The following SYMPK variants were observed in gnomAD, a reference collection of about 807,000 sequenced individuals.
The protein encoded by SYMPK is symplekin scaffold protein, also known as symplekin.
In SYMPK, 49 loss-of-function variants were observed where a neutral mutation model predicts 136.4. The ratio of observed to expected loss-of-function variants is 0.36; its 90% CI spans 0.29 to 0.46. The LOEUF (loss-of-function observed/expected upper bound fraction) is 0.46. SYMPK is among the 20% of genes least tolerant of loss of function. The pLI is 1.00. For missense variants in SYMPK, 1,365 were observed against 1,690.0 expected (o/e 0.81, Z 3.37); for synonymous variants, 766 against 713.0 (o/e 1.07, Z -1.19).
chr19:45,826,146 C>T, intron 17 of SYMPK, 80 bp downstream of exon 17: 6 of 1,521,906 alleles, frequency 3.9e-6, no homozygotes, highest in Non-Finnish European at 5.3e-6. Context: ...GAGTGGCTTC[C>T]CCACTCATCC....
intron 25 of SYMPK, 33 bp downstream of exon 25, chr19:45,816,449 G>A: frequency 6.3e-7 from 1 of 1,595,492 alleles, no homozygotes; most frequent in African/African-American, 1.3e-5. Context: ...TGGGAGTCTG[G>A]GGATCCAGAT....
chr19:45,835,247 G>C lies in SYMPK; in HGVS notation c.1243-19C>G, dbSNP rs117961206. ...TGAGGACCTGTGGGATGCCCAGGAA[G>C]AGAGCCTCTCCTTAATCATTAACTC... On this transcript the variant is annotated intron_variant, in intron 10 of 26. Coordinates refer to ENST00000245934, the MANE Select transcript of SYMPK (RefSeq NM_004819.3). 0.023 allele frequency: 35,116 copies of C among 1,556,640 alleles called. 487 individuals are homozygous for C. The highest frequency in any genetic ancestry group is 0.031 in the Middle Eastern group (178 of 5,746).
chr19:45,834,307 A>C (rs1971251529), intron 11 of SYMPK, among the ~76,000 whole-genome samples: 1 of 151,626 alleles, frequency 6.6e-6, no homozygotes, highest in African/African-American at 2.4e-5. Flanking sequence ...AACAAAACAA[A>C]AGCTAGCCAG....
chr19:45,817,494 C>T (rs371561699), intron 23 of SYMPK, among the ~76,000 whole-genome samples: 3 of 140,720 alleles, frequency 2.1e-5, no homozygotes, highest in South Asian at 2.3e-4. Flanking sequence ...GTGAGTGGCG[C>T]GTTTCTTCCT....
At chr19:45,831,726 G>C (rs1971179795) in intron 11 of SYMPK, 138 bp from the exon 12 acceptor site, 1 of 555,036 alleles carries the variant, frequency 1.8e-6, no homozygotes. Context: ...CTGTCCTGGA[G>C]TGGGTACTCT....
chr19:45,852,825 G>T (rs1054977530), intron 3 of SYMPK, among the ~76,000 whole-genome samples: 1 of 152,150 alleles, frequency 6.6e-6, no homozygotes, highest in Admixed American at 6.5e-5. Context: ...GTGAGGACAT[G>T]ACACAGGAGG....
intron 18 of SYMPK, 103 bp downstream of exon 18, chr19:45,825,068 G>T (rs994729744): frequency 6.9e-7 from 1 of 1,456,710 alleles, no homozygotes; most frequent in Non-Finnish European, 9.2e-7. Flanking sequence ...ACCACCCTTC[G>T]GGCTTGGCAC....
chr19:45,824,365 T>TA (rs1405028749), intron 18 of SYMPK, among the ~76,000 whole-genome samples: 2 of 152,148 alleles, frequency 1.3e-5, no homozygotes, highest in Admixed American at 6.5e-5. Context: ...CGCTCCTGAC[T>TA]AAAACCGACT....
intron 24 of SYMPK, 55 bp downstream of exon 24, chr19:45,816,743 G>C: frequency 2.0e-6 from 3 of 1,473,370 alleles, no homozygotes; most frequent in Non-Finnish European, 2.7e-6. Context: ...CCAGGGGGCC[G>C]CCCACCGCAC....
At chr19:45,852,629 G>T in intron 3 of SYMPK, 94 bp from the exon 4 acceptor site, 2 of 1,451,782 alleles carry the variant, frequency 1.4e-6, no homozygotes, top group South Asian at 1.2e-5. Context: ...GACAGCAGAG[G>T]GCTAGGCAGC....
At chr19:45,858,217 G>C (rs79648563) in intron 1 of SYMPK, among the ~76,000 whole-genome samples, 21,712 of 152,076 alleles carry the variant, frequency 0.14, 1,631 homozygotes, top group South Asian at 0.18. Flanking sequence ...CCTGCTGCCT[G>C]TCACCCCCTA....
intron 8 of SYMPK, among the ~76,000 whole-genome samples, chr19:45,843,434 A>G (rs1971489678): frequency 6.6e-6 from 1 of 152,188 alleles, no homozygotes; most frequent in Non-Finnish European, 1.5e-5. Context: ...ATCTTGGAAC[A>G]TCTATCCTCC....
chr19:45,831,671 TTCTGAGCCCTGTACACA>T lies in SYMPK; in HGVS notation c.1394-100_1394-84del, dbSNP rs1426423720. On this transcript the variant is annotated intron_variant, in intron 11 of 26. Transcript: ENST00000245934. ...AGGACCTCCTGTGTGCCTGGCTCTG[TTCTGAGCCCTGTACACA>T]CAAAACCTCGTTTAAATCCACACAA... is the stretch of plus-strand genomic sequence containing the variant. 1.0e-5 allele frequency: 12 copies of T among 1,192,734 alleles called. No homozygotes were observed. The African/African-American group carries it at 1.8e-4, about 18-fold the overall frequency. 73.9% of individuals were successfully genotyped at this position (1,192,734 alleles called of 1,614,324 possible). A position where few individuals can be genotyped will look rare whatever the true frequency, so the allele number is the denominator to read the frequency against.
intron 10 of SYMPK, among the ~76,000 whole-genome samples, chr19:45,837,267 T>C (rs1359584656): frequency 6.6e-6 from 1 of 151,406 alleles, no homozygotes; most frequent in African/African-American, 2.4e-5. Flanking sequence ...TTTATAAATG[T>C]TGATGAGCAA....
rs563461914 is a variant in SYMPK, at chr19:45,828,673, T to G, written c.1985+297A>C. 13 of 463,558 alleles carry G rather than the reference T, an allele frequency of 2.8e-5. No individual in the cohort carries two copies. The East Asian group carries it at 4.6e-4, about 16-fold the overall frequency. The allele number at this position is 463,558 out of a possible 1,614,324, so 28.7% of individuals were successfully genotyped here. A position where few individuals can be genotyped will look rare whatever the true frequency, so the allele number is the denominator to read the frequency against. On this transcript the variant is annotated intron_variant, in intron 14 of 26. Transcript: ENST00000245934. ...TATCTCCAGGCCCATGGGTGAGCAC[T>G]GTTATTTACAGATGGGAAAATGGCA... is the stretch of plus-strand genomic sequence containing the variant.
intron 5 of SYMPK, among the ~76,000 whole-genome samples, chr19:45,850,812 A>G (rs1971680259): frequency 6.6e-6 from 1 of 152,148 alleles, no homozygotes; most frequent in South Asian, 2.1e-4. Context: ...TGCGGGAAGA[A>G]TCAAGGTTAT....
rs114613567 is a variant in SYMPK at position 45,840,678 on chromosome 19, C to A, written c.1087+1572G>T. ...AACTCCATCTTTAAAAAAAAAAAAA[C>A]AAACAAATACAAAAATTAGCCCGGT... On this transcript the variant is annotated intron_variant, in intron 9 of 26. Coordinates refer to ENST00000245934, the MANE Select transcript of SYMPK (RefSeq NM_004819.3). Among the ~76,000 whole-genome samples, 719 of 149,290 alleles carry A rather than the reference C, an allele frequency of 4.8e-3. 7 individuals carry two copies. Among genetic ancestry groups the A allele is most frequent in the African/African-American group, 0.017 (677 of 40,362 alleles).
chr19:45,828,240 CA>C, intron 14 of SYMPK: 2 of 315,402 alleles, frequency 6.3e-6, no homozygotes, highest in South Asian at 3.0e-5. Flanking sequence ...ATGGTGGCCT[CA>C]AAAGGCCGCT....
At chr19:45,851,551 C>A (rs1281393986) in intron 5 of SYMPK, among the ~76,000 whole-genome samples, 3 of 150,390 alleles carry the variant, frequency 2.0e-5, no homozygotes, top group African/African-American at 7.4e-5. Flanking sequence ...GTACTCCAGC[C>A]TGGACAACAG....
Sources: gnomAD v4.1 joint callset for allele counts (sites outside exome capture counted in the v4.1 genomes callset) on GRCh38, gnomAD v4.1.1 for gene constraint, MANE v1.5 for transcripts, NCBI Gene and HGNC (gene_info 2026-07-23, HGNC 2026-07-21) for gene names.